PDE8B: variants seen among roughly 807,000 people sequenced by gnomAD.
PDE8B encodes the protein high affinity cAMP-specific and IBMX-insensitive 3',5'-cyclic phosphodiesterase 8B.
PDE8B carries 26 observed loss-of-function variants against 101.3 expected under a neutral mutation model. The ratio of observed to expected loss-of-function variants is 0.26; its 90% CI spans 0.19 to 0.36. The LOEUF is 0.36. Among genes scored for constraint, PDE8B ranks in the 10% least tolerant of loss-of-function variants. The probability of loss-of-function intolerance (pLI) is 1.00; values close to 1 mark genes in which losing one functional copy is unlikely to be tolerated. For missense variants in PDE8B, 810 were observed against 1,163.1 expected (o/e 0.70, Z 4.42); for synonymous variants, 424 against 429.3 (o/e 0.99, Z 0.15).
the PDE8B span, among the ~76,000 whole-genome samples, chr5:77,126,284 CA>C: frequency 1.8e-3 from 233 of 130,488 alleles, no homozygotes; most frequent in African/African-American, 2.9e-3. Context: ...GGCTCTTTCT[CA>C]AAAAAAAAAA....
At chr5:77,315,572 T>G (rs755723846) in intron 2 of PDE8B, among the ~76,000 whole-genome samples, 7 of 152,230 alleles carry the variant, frequency 4.6e-5, no homozygotes, top group African/African-American at 7.2e-5. Context: ...GAGGGTCCTA[T>G]TTACATGAAT....
chr5:77,180,506 G>A, the PDE8B span: 1 of 984,690 alleles, frequency 1.0e-6, no homozygotes, highest in African/African-American at 1.7e-5. Flanking sequence ...CAGCGCGGGG[G>A]ACCGCGCAGC....
intron 10 of PDE8B, among the ~76,000 whole-genome samples, chr5:77,361,453 C>T (rs548311440): frequency 6.6e-6 from 1 of 152,044 alleles, no homozygotes; most frequent in Non-Finnish European, 1.5e-5. Context: ...AAAGAAGTTC[C>T]TCACATCACT....
chr5:77,272,468 A>G (rs559169629), intron 1 of PDE8B, among the ~76,000 whole-genome samples: 26 of 152,252 alleles, frequency 1.7e-4, no homozygotes, highest in African/African-American at 6.0e-4. Flanking sequence ...CCCTTTGTAC[A>G]TATGGTTCCT....
In PDE8B at chr5:77,400,298, T is replaced by C. The variant is rs369714435; in HGVS notation, c.1210+8T>C. The stretch of plus-strand genomic sequence containing the variant: ...GAGACAATTCTCAGACAGGTGAGAA[T>C]ACTTCAATTGAACTCTAACATACTT... On this transcript the variant is annotated splice_region_variant and intron_variant, in intron 11 of 21. Transcript: ENST00000264917. 1.4e-5 allele frequency: 21 copies of C among 1,547,906 alleles called. No individual in the cohort carries two copies. The African/African-American group carries it at 2.9e-4, about 21-fold the overall frequency.
At chr5:77,135,814 A>G in the PDE8B span, among the ~76,000 whole-genome samples, 67,007 of 151,092 alleles carry the variant, frequency 0.44, 17,189 homozygotes, top group East Asian at 0.79. Context: ...ATCTTGCTAT[A>G]TTGAAAAGGC....
rs953375 is a variant in PDE8B, at chr5:77,340,770, A to C, written c.797+3455A>C. 1.7e-3 allele frequency among the ~76,000 whole-genome samples: 265 copies of C among 152,244 alleles called. 4 individuals are homozygous for C. In the South Asian group the frequency reaches 0.034, roughly 20 times the overall value. On this transcript the variant is annotated intron_variant, in intron 6 of 21. Coordinates refer to ENST00000264917, the MANE Select transcript of PDE8B (RefSeq NM_003719.5). Reference sequence around the variant, plus strand: ...CACAGCTACTCAGCATGTTGGTGGCAGTGGTGGAGTAGAATCCAGGCATCC... The same window carrying C: ...CACAGCTACTCAGCATGTTGGTGGCCGTGGTGGAGTAGAATCCAGGCATCC...
intron 1 of PDE8B, among the ~76,000 whole-genome samples, chr5:77,305,875 C>T (rs541184139): frequency 6.6e-6 from 1 of 152,240 alleles, no homozygotes; most frequent in Admixed American, 6.5e-5. Flanking sequence ...TGATCTTCAC[C>T]GTGGACCCGT....
the PDE8B span, among the ~76,000 whole-genome samples, chr5:77,132,397 C>T: frequency 6.6e-6 from 1 of 152,186 alleles, no homozygotes; most frequent in African/African-American, 2.4e-5. Context: ...CCCATTCTCT[C>T]AATATAGTTA....
At chr5:77,259,998 C>T (rs1760135915) in intron 1 of PDE8B, among the ~76,000 whole-genome samples, 1 of 151,812 alleles carries the variant, frequency 6.6e-6, no homozygotes, top group Non-Finnish European at 1.5e-5. Context: ...CCCATCTCTA[C>T]TAAAAATACA....
At chr5:77,092,018 A>G in the PDE8B span, among the ~76,000 whole-genome samples, 5 of 152,364 alleles carry the variant, frequency 3.3e-5, no homozygotes, top group South Asian at 6.2e-4. Flanking sequence ...GAAAAATTAT[A>G]TAAGAGGAAA....
Position 77,211,968 on chromosome 5 carries a change from T to G in PDE8B, c.339+704T>G, listed in dbSNP as rs1463725329. ...TGGTTTCCAGTGCAGTACAGCTGTC[T>G]GAGGATGATTCTGCACATACAACTG... On this transcript the variant is annotated intron_variant, in intron 1 of 21. Coordinates refer to ENST00000264917, the MANE Select transcript of PDE8B (RefSeq NM_003719.5). The surrounding 1 kb of genome is among the most constrained non-coding windows in gnomAD (Gnocchi z 4.1). Among the ~76,000 whole-genome samples the G allele has an allele frequency of 6.6e-6, 1 of 151,278 alleles. No homozygotes were observed. The highest frequency in any genetic ancestry group is 1.5e-5 in the Non-Finnish European group (1 of 68,024).
chr5:77,122,380 G>C, the PDE8B span, among the ~76,000 whole-genome samples: 2 of 152,060 alleles, frequency 1.3e-5, no homozygotes, highest in Admixed American at 6.5e-5. Context: ...TTTTCTTGCT[G>C]GTCTACTGCC....
the PDE8B span, among the ~76,000 whole-genome samples, chr5:77,135,102 C>G: frequency 6.6e-6 from 1 of 152,230 alleles, no homozygotes; most frequent in Non-Finnish European, 1.5e-5. Context: ...TGAGGCTACT[C>G]TAATGAACAG....
the PDE8B span, among the ~76,000 whole-genome samples, chr5:77,142,625 G>A: frequency 1.3e-5 from 2 of 152,016 alleles, no homozygotes; most frequent in African/African-American, 4.8e-5. Context: ...AACAATCTGG[G>A]GCATATAATC....
chr5:77,300,120 AG>A (rs2150028359), intron 1 of PDE8B, among the ~76,000 whole-genome samples: 1 of 152,314 alleles, frequency 6.6e-6, no homozygotes, highest in South Asian at 2.1e-4. Context: ...TGAGCACTGA[AG>A]GTGAGAACCT....
At chr5:77,317,690 C>T (rs941232988) in intron 2 of PDE8B, among the ~76,000 whole-genome samples, 1 of 152,158 alleles carries the variant, frequency 6.6e-6, no homozygotes, top group African/African-American at 2.4e-5. Flanking sequence ...GCCTTTTCTT[C>T]ATCCATACCT....
chr5:77,386,710 T>G (rs1788712287), intron 10 of PDE8B, among the ~76,000 whole-genome samples: 2 of 152,054 alleles, frequency 1.3e-5, no homozygotes, highest in Admixed American at 1.3e-4. Context: ...AGTATACTGA[T>G]GGGTCTTGAC....
chr5:77,211,290 C>T lies in PDE8B; in HGVS notation c.339+26C>T, dbSNP rs1480888720. The T allele has an allele frequency of 6.5e-7, 1 of 1,527,024 alleles. No homozygotes were observed. The highest frequency in any genetic ancestry group is 8.7e-7 in the Non-Finnish European group (1 of 1,144,066). 94.6% of individuals were successfully genotyped at this position (1,527,024 alleles called of 1,614,324 possible). The stretch of plus-strand genomic sequence containing the variant: ...GTAAATGCCCCGCGCTGGCACACGC[C>T]GTGGGGGCCGTCCGCCCCGTCGGCG... On this transcript the variant is annotated intron_variant, in intron 1 of 21. Coordinates refer to ENST00000264917, the MANE Select transcript of PDE8B (RefSeq NM_003719.5). The surrounding 1 kb of genome is among the most constrained non-coding windows in gnomAD (Gnocchi z 4.1).
Sources: allele counts gnomAD v4.1 joint callset (sites outside exome capture counted in the v4.1 genomes callset), GRCh38; gene constraint gnomAD v4.1.1; non-coding constraint Gnocchi (gnomAD v3.1); transcripts MANE v1.5; gene names NCBI Gene and HGNC (gene_info 2026-07-23, HGNC 2026-07-21).